TOR1B: variants seen among roughly 807,000 people sequenced by gnomAD.
TOR1B encodes torsin-1B.
TOR1B carries 14 observed loss-of-function variants against 29.2 expected under a neutral mutation model. The observed-to-expected ratio is 0.48, with a 90% CI of 0.32 to 0.75. TOR1B has a LOEUF of 0.75. Among genes scored for constraint, TOR1B ranks in the 30% least tolerant of loss-of-function variants. The pLI is 0.04. For synonymous variants in TOR1B, 166 were observed against 179.8 expected, an observed-to-expected ratio of 0.92 and a Z score of 0.62; for missense variants, 400 against 433.9, an observed-to-expected ratio of 0.92 and a Z score of 0.69.
intron 2 of TOR1B, among the ~76,000 whole-genome samples, chr9:129,804,725 G>A (rs560723280): frequency 2.0e-5 from 3 of 151,892 alleles, no homozygotes. Flanking sequence ...ACCTGAGCAC[G>A]GTGGCACGCA....
At chr9:129,804,613 AT>A in intron 2 of TOR1B, 1 of 396,054 alleles carries the variant, frequency 2.5e-6, no homozygotes, top group Non-Finnish European at 4.6e-6. Context: ...TAATCCCAGC[AT>A]TTTGGGGAAG....
rs996197676 is a variant in TOR1B at position 129,810,135 on chromosome 9, G to A, written c.*552G>A. Reference sequence around the variant, plus strand: ...AGTCCAGGGACTTGCTGCAGGCTGGGGGGCACTGGGTGGTTCTCACCAGCA... The same window carrying A: ...AGTCCAGGGACTTGCTGCAGGCTGGAGGGCACTGGGTGGTTCTCACCAGCA... On this transcript the variant is annotated 3_prime_UTR_variant, in exon 5 of 5. Coordinates refer to ENST00000259339, the MANE Select transcript of TOR1B (RefSeq NM_014506.3). The A allele has an allele frequency of 1.0e-5, 13 of 1,300,764 alleles. No individual in the cohort carries two copies. The highest frequency in any genetic ancestry group is 1.2e-5 in the Non-Finnish European group (12 of 986,218). 80.6% of individuals were successfully genotyped at this position (1,300,764 alleles called of 1,614,324 possible). A position where few individuals can be genotyped will look rare whatever the true frequency, so the allele number is the denominator to read the frequency against.
chr9:129,805,138 A>AG (rs1020101655), intron 2 of TOR1B, among the ~76,000 whole-genome samples: 3 of 133,846 alleles, frequency 2.2e-5, no homozygotes, highest in African/African-American at 7.8e-5. Flanking sequence ...ACTCTGTCTC[A>AG]GAAAAAAAAA....
intron 2 of TOR1B, 147 bp downstream of exon 2, chr9:129,804,485 T>TA (rs780940348): frequency 1.7e-5 from 17 of 980,044 alleles, no homozygotes; most frequent in Non-Finnish European, 2.4e-5. Flanking sequence ...TCCAGGTAGT[T>TA]ACAAAGCTCT....
intron 3 of TOR1B, 43 bp from the exon 4 acceptor site, chr9:129,808,862 T>G: frequency 6.2e-7 from 1 of 1,609,084 alleles, no homozygotes; most frequent in Non-Finnish European, 8.5e-7. Flanking sequence ...GACACAGAAG[T>G]CTTAATATGT....
In TOR1B at chr9:129,804,305, C is replaced by A; in HGVS notation, c.432C>A (p.His144Gln). The change falls in exon 2 of 5, where the codon CAC becomes CAA. Residue 144 changes from histidine to glutamine, a missense_variant. Physicochemically the swap from His to Gln is conservative, Grantham distance 24. Transcript: ENST00000259339. The stretch of plus-strand genomic sequence containing the variant: ...TCCACCTGTTTGTATCGACTCTGCA[C>A]TTCCCTCATGAGCAGAAGATAAAAC... ...NFVHLFVSTL[H>Q]FPHEQKIKLY... 6.2e-7 allele frequency: 1 copy of A among 1,614,052 alleles called. No homozygotes were observed. Among genetic ancestry groups the A allele is most frequent in the Admixed American group, 1.7e-5 (1 of 60,014 alleles).
intron 2 of TOR1B, among the ~76,000 whole-genome samples, chr9:129,805,564 G>A (rs2030434981): frequency 3.9e-5 from 6 of 152,206 alleles, no homozygotes; most frequent in Admixed American, 3.9e-4. Context: ...CACCTTCTCT[G>A]GTGAGTGAAG....
Position 129,809,811 on chromosome 9 carries a change from C to T in TOR1B, c.*228C>T, listed in dbSNP as rs2030739847. 2 of 1,382,720 alleles carry T rather than the reference C, an allele frequency of 1.4e-6. No individual in the cohort carries two copies. The highest frequency in any genetic ancestry group is 1.9e-6 in the Non-Finnish European group (2 of 1,067,668). 85.7% of individuals were successfully genotyped at this position (1,382,720 alleles called of 1,614,324 possible). ...CTCCGCTCCCGGTTTGAGTGATTCT[C>T]ATGCCTCAGCCTCCCGAGTAGCTGG... On this transcript the variant is annotated 3_prime_UTR_variant, in exon 5 of 5. Coordinates refer to ENST00000259339, the MANE Select transcript of TOR1B (RefSeq NM_014506.3).
intron 3 of TOR1B, 141 bp from the exon 4 acceptor site, chr9:129,808,764 C>T: frequency 1.1e-6 from 1 of 942,498 alleles, no homozygotes; most frequent in South Asian, 1.4e-5. Context: ...GTTGGTCAGG[C>T]TGGCCTTGAA....
Position 129,804,324 on chromosome 9 carries a change from A to G in TOR1B, c.451A>G (p.Ile151Val). 2 of 1,612,686 alleles carry G rather than the reference A, an allele frequency of 1.2e-6. No homozygotes were observed. The highest frequency in any genetic ancestry group is 1.7e-6 in the Non-Finnish European group (2 of 1,178,686). ...TCTGCACTTCCCTCATGAGCAGAAGATAAAACTGTACCAGGCAAGAGAACC... is the reference window on the plus strand; with the variant it reads ...TCTGCACTTCCCTCATGAGCAGAAGGTAAAACTGTACCAGGCAAGAGAACC... ...STLHFPHEQK[I>V]KLYQDQLQKW... The change falls in exon 2 of 5, where the codon ATA becomes GTA. Residue 151 changes from isoleucine (I) to valine (V), a missense_variant. Coordinates refer to ENST00000259339, the MANE Select transcript of TOR1B (RefSeq NM_014506.3).
Position 129,811,259 on chromosome 9 carries a change from C to T in TOR1B, c.*1676C>T, listed in dbSNP as rs945541049. The T allele has an allele frequency of 3.9e-5, 6 of 152,112 alleles. No individual in the cohort carries two copies. Among genetic ancestry groups the T allele is most frequent in the Admixed American group, 2.0e-4 (3 of 15,264 alleles). 9.4% of individuals were successfully genotyped at this position (152,112 alleles called of 1,614,324 possible). On this transcript the variant is annotated 3_prime_UTR_variant, in exon 5 of 5. Transcript: ENST00000259339. ...AAGATTTTCTCTATTTACAGTGAGG[C>T]AATAAATATGTTTGCCACCTTTGGA...
At position 129,809,657 on chromosome 9, in the gene TOR1B, T is replaced by G. The variant is rs1394758185; in HGVS notation, c.*74T>G. ...GAGGCCTTGCCTTTCAGAAGAACCC[T>G]GAAGACCGCTTTGGGGTTTTGCCTG... On this transcript the variant is annotated 3_prime_UTR_variant, in exon 5 of 5. Coordinates refer to ENST00000259339, the MANE Select transcript of TOR1B (RefSeq NM_014506.3). The G allele has an allele frequency of 2.5e-6, 4 of 1,587,066 alleles. No individual in the cohort carries two copies. In the East Asian group the frequency reaches 9.0e-5, roughly 36 times the overall value.
In TOR1B at chr9:129,803,285, T is replaced by C. The variant is rs767082510; in HGVS notation, c.73T>C (p.Phe25Leu). 6.4e-7 allele frequency: 1 copy of C among 1,574,442 alleles called. No individual in the cohort carries two copies. Among genetic ancestry groups the C allele is most frequent in the Non-Finnish European group, 8.6e-7 (1 of 1,165,058 alleles). Residue 25 changes from phenylalanine (F) to leucine (L), a missense_variant, in exon 1 of 5, where the codon TTC becomes CTC. By Grantham distance (22) the Phe-to-Leu change is conservative. Coordinates refer to ENST00000259339, the MANE Select transcript of TOR1B (RefSeq NM_014506.3). ...GCTGGCGGCCCGAGTGGTGGCGGCG[T>C]TCGAGCCCATCACCGTGGGCCTAGC... is the stretch of plus-strand genomic sequence containing the variant. ...LLLAARVVAA[F>L]EPITVGLAIG...
intron 2 of TOR1B, 43 bp from the exon 3 acceptor site, chr9:129,807,145 C>G (rs750692398): frequency 6.2e-7 from 1 of 1,602,804 alleles, no homozygotes; most frequent in Admixed American, 1.7e-5. Flanking sequence ...TTGGTGCACC[C>G]TTTGAGCTTC....
chr9:129,805,212 G>A (rs2030408852), intron 2 of TOR1B, among the ~76,000 whole-genome samples: 1 of 151,786 alleles, frequency 6.6e-6, no homozygotes, highest in South Asian at 2.1e-4. Flanking sequence ...CAGCACTTTG[G>A]GATCCGCCAA....
In TOR1B at chr9:129,809,918, G is replaced by C. The variant is rs1015132092; in HGVS notation, c.*335G>C. Reference sequence around the variant, plus strand: ...TGGAAAACACGTGAATCTATTGCGCGCATTTGTCATTTAGCAAGATGGCAG... The same window carrying C: ...TGGAAAACACGTGAATCTATTGCGCCCATTTGTCATTTAGCAAGATGGCAG... On this transcript the variant is annotated 3_prime_UTR_variant, in exon 5 of 5. Transcript: ENST00000259339. The C allele has an allele frequency of 4.9e-6, 6 of 1,216,104 alleles. No individual in the cohort carries two copies. Among genetic ancestry groups the C allele is most frequent in the Non-Finnish European group, 1.0e-6 (1 of 962,402 alleles). The allele number at this position is 1,216,104 out of a possible 1,614,324, so 75.3% of individuals were successfully genotyped here.
chr9:129,803,420 C>G lies in TOR1B; in HGVS notation c.199+9C>G. On this transcript the variant is annotated intron_variant, in intron 1 of 4. Coordinates refer to ENST00000259339, the MANE Select transcript of TOR1B (RefSeq NM_014506.3). The stretch of plus-strand genomic sequence containing the variant: ...GCCGCTCAACGCTTCGGGTACGGCG[C>G]GCGCGCGAGCTGTGGGTCGGCGCTG... The G allele has an allele frequency of 1.3e-6, 2 of 1,507,826 alleles. No homozygotes were observed. The highest frequency in any genetic ancestry group is 2.5e-5 in the South Asian group (2 of 80,598). 93.4% of individuals were successfully genotyped at this position (1,507,826 alleles called of 1,614,324 possible).
At position 129,810,167 on chromosome 9, in the gene TOR1B, G is replaced by T. The variant is rs931804639; in HGVS notation, c.*584G>T. On this transcript the variant is annotated 3_prime_UTR_variant, in exon 5 of 5. Coordinates refer to ENST00000259339, the MANE Select transcript of TOR1B (RefSeq NM_014506.3). ...TGGGTGGTTCTCACCAGCAGGCTGC[G>T]GGGCACTGTGTTCTCATTGGCCAAA... 6 of 1,303,922 alleles carry T rather than the reference G, an allele frequency of 4.6e-6. No individual in the cohort carries two copies. In the South Asian group the frequency reaches 7.4e-5, roughly 16 times the overall value. 80.8% of individuals were successfully genotyped at this position (1,303,922 alleles called of 1,614,324 possible). A position where few individuals can be genotyped will look rare whatever the true frequency, so the allele number is the denominator to read the frequency against.
chr9:129,803,366 C>A lies in TOR1B; in HGVS notation c.154C>A (p.Arg52Ser). Residue 52 changes from arginine (R) to serine (S), a missense_variant, in exon 1 of 5, where the codon CGC (arginine) becomes AGC (serine). Arg to Ser is a moderately radical substitution (Grantham distance 110). Transcript: ENST00000259339. ...CCTGTCCTACAATGACATCTACTGC[C>A]GCTTCGCCGAGTGCTGCCGCGAGGA... ...GYLSYNDIYCRFAECCREERP... is the reference protein window; with the variant it reads ...GYLSYNDIYCSFAECCREERP... 1.3e-6 allele frequency: 2 copies of A among 1,574,336 alleles called. No homozygotes were observed. The highest frequency in any genetic ancestry group is 1.4e-5 in the African/African-American group (1 of 71,164).
Sources: allele counts gnomAD v4.1 joint callset (sites outside exome capture counted in the v4.1 genomes callset), GRCh38; gene constraint gnomAD v4.1.1; transcripts MANE v1.5; gene names NCBI Gene and HGNC (gene_info 2026-07-23, HGNC 2026-07-21).